Variants in SLC35F4 observed in about 807,000 individuals in gnomAD.
The protein encoded by SLC35F4 is chromosome 14 open reading frame 36.
In SLC35F4, 24 loss-of-function variants were observed where a neutral mutation model predicts 44.2. That is an observed-to-expected ratio of 0.54 (90% confidence interval 0.39 to 0.76). SLC35F4 has a LOEUF of 0.76. SLC35F4 is among the 30% of genes least tolerant of loss of function. The probability of loss-of-function intolerance (pLI) is 0.00; values close to 1 mark genes in which losing one functional copy is unlikely to be tolerated. For synonymous variants in SLC35F4, 238 were observed against 223.6 expected, an observed-to-expected ratio of 1.06 and a Z score of -0.57; for missense variants, 562 against 586.1, an observed-to-expected ratio of 0.96 and a Z score of 0.42.
chr14:57,644,602 G>A (rs2073415589), intron 1 of SLC35F4, among the ~76,000 whole-genome samples: 1 of 152,084 alleles, frequency 6.6e-6, no homozygotes, highest in African/African-American at 2.4e-5. Context: ...TTGCTGTGCA[G>A]AAGCTCTTTA....
intron 1 of SLC35F4, among the ~76,000 whole-genome samples, chr14:57,759,376 G>T (rs1029762346): frequency 2.6e-5 from 4 of 151,948 alleles, no homozygotes; most frequent in African/African-American, 4.8e-5. Flanking sequence ...ACCTAGGAGT[G>T]CAAGACCAGC....
intron 3 of SLC35F4, among the ~76,000 whole-genome samples, chr14:57,581,909 C>CTAAGCCACTTTCTAATATATCTGCCCAA (rs2069303405): frequency 6.6e-6 from 1 of 152,170 alleles, no homozygotes. Flanking sequence ...TTCTAAGACA[C>CTAAGCCACTTTCTAATATATCTGCCCAA]TAAGCCACTT....
Position 57,742,287 on chromosome 14 carries a change from TAA to T in SLC35F4, c.103+123434_103+123435del, listed in dbSNP as rs576037742. The stretch of plus-strand genomic sequence containing the variant: ...AAAAGACACAGACTGGCAAATTGGA[TAA>T]AGAGTCAAGACCCATCAGTGTGCTG... On this transcript the variant is annotated intron_variant, in intron 1 of 7. Coordinates refer to ENST00000556826, the MANE Select transcript of SLC35F4 (RefSeq NM_001306087.2). Among the ~76,000 whole-genome samples the T allele has an allele frequency of 5.9e-4, 90 of 152,258 alleles. 1 individual carries two copies. Among genetic ancestry groups the T allele is most frequent in the African/African-American group, 1.9e-3 (77 of 41,536 alleles).
chr14:57,612,833 C>G (rs1245981900), intron 1 of SLC35F4, among the ~76,000 whole-genome samples: 1 of 151,720 alleles, frequency 6.6e-6, no homozygotes, highest in Non-Finnish European at 1.5e-5. Flanking sequence ...GGACAAGGAC[C>G]AATTTTGAAT....
chr14:57,978,644 T>C (rs1413272760), intron 1 of SLC35F4, among the ~76,000 whole-genome samples: 9 of 152,204 alleles, frequency 5.9e-5, no homozygotes, highest in Non-Finnish European at 1.3e-4. Flanking sequence ...TGTGCCAGAC[T>C]AATAACTAGA....
downstream of SLC35F4, among the ~76,000 whole-genome samples, chr14:57,973,885 G>A (rs1881129305): frequency 6.6e-6 from 1 of 151,894 alleles, no homozygotes; most frequent in Non-Finnish European, 1.5e-5. Context: ...TATACTCCCT[G>A]AAGCCCAAAC....
chr14:57,828,658 C>G (rs1333656623), intron 1 of SLC35F4, among the ~76,000 whole-genome samples: 1 of 152,164 alleles, frequency 6.6e-6, no homozygotes, highest in Non-Finnish European at 1.5e-5. Flanking sequence ...CATTGTGTCA[C>G]AGAATGTCAC....
chr14:57,774,022 C>T (rs887894686), intron 1 of SLC35F4, among the ~76,000 whole-genome samples: 4 of 152,058 alleles, frequency 2.6e-5, no homozygotes, highest in African/African-American at 9.7e-5. Context: ...TTTGATACAC[C>T]ATCCATGTAT....
chr14:57,598,990 A>G (rs2070657920), intron 1 of SLC35F4, among the ~76,000 whole-genome samples: 1 of 152,156 alleles, frequency 6.6e-6, no homozygotes, highest in Non-Finnish European at 1.5e-5. Context: ...AAAGTAGGAT[A>G]CCACTGGCTG....
intron 1 of SLC35F4, among the ~76,000 whole-genome samples, chr14:57,676,768 G>T (rs568361651): frequency 1.3e-5 from 2 of 152,148 alleles, no homozygotes; most frequent in South Asian, 4.1e-4. Flanking sequence ...AACAATGGCT[G>T]TTGGCATGGA....
intron 1 of SLC35F4, among the ~76,000 whole-genome samples, chr14:57,616,802 T>C (rs1762064073): frequency 1.3e-5 from 2 of 152,080 alleles, no homozygotes; most frequent in Non-Finnish European, 2.9e-5. Context: ...ACCTTCATCT[T>C]AAATAAGGAC....
At position 57,738,766 on chromosome 14, in the gene SLC35F4, T is replaced by C. The variant is rs933834169; in HGVS notation, c.103+126957A>G. 1.6e-3 allele frequency among the ~76,000 whole-genome samples: 125 copies of C among 80,560 alleles called. 1 individual carries two copies. Among genetic ancestry groups the C allele is most frequent in the South Asian group, 4.3e-3 (10 of 2,308 alleles). 52.9% of individuals were successfully genotyped at this position (80,560 alleles called of 152,430 possible). A position where few individuals can be genotyped will look rare whatever the true frequency, so the allele number is the denominator to read the frequency against. ...GAATTTTCATATATATATATATATA[T>C]ATATATATATATATATATATAGGCT... On this transcript the variant is annotated intron_variant, in intron 1 of 7. Transcript: ENST00000556826.
intron 1 of SLC35F4, among the ~76,000 whole-genome samples, chr14:57,673,444 G>A (rs1469197669): frequency 1.3e-5 from 2 of 152,026 alleles, no homozygotes; most frequent in Non-Finnish European, 2.9e-5. Flanking sequence ...TGTAAAATGG[G>A]GCTCATAATA....
At position 57,897,813 on chromosome 14, in the gene SLC35F4, A is replaced by C. The variant is rs544872489; in HGVS notation, n.282+84100T>G. On this transcript the variant is annotated intron_variant and non_coding_transcript_variant, in intron 1 of 1. Coordinates refer to the SLC35F4 transcript ENST00000556568. ...CTTGCTTCTAAATGTAGCCCCCACA[A>C]ATGGTATCATCTATAAACAGAGCAC... Among the ~76,000 whole-genome samples the C allele has an allele frequency of 2.2e-4, 34 of 152,274 alleles. No individual in the cohort carries two copies. The South Asian group carries it at 6.8e-3, about 31-fold the overall frequency.
chr14:57,703,526 A>G (rs892312582), intron 1 of SLC35F4, among the ~76,000 whole-genome samples: 1 of 152,182 alleles, frequency 6.6e-6, no homozygotes, highest in African/African-American at 2.4e-5. Flanking sequence ...AACTGCCAAC[A>G]AGTGGGCAGT....
chr14:57,880,084 GGAAGGAAGGAAGGAA>G (rs1566920037), intron 1 of SLC35F4, among the ~76,000 whole-genome samples: 1 of 113,206 alleles, frequency 8.8e-6, no homozygotes, highest in Non-Finnish European at 1.8e-5. Context: ...AAGGAAGGAA[GGAAGGAAGGAAGGAA>G]GGAAGGAAGG....
intron 1 of SLC35F4, among the ~76,000 whole-genome samples, chr14:57,612,372 G>A (rs1255776310): frequency 1.3e-5 from 2 of 152,152 alleles, no homozygotes; most frequent in Non-Finnish European, 2.9e-5. Context: ...TCTCTAGCCT[G>A]GTTGATGACC....
At chr14:57,927,637 C>A (rs1889606855) in intron 1 of SLC35F4, among the ~76,000 whole-genome samples, 2 of 151,748 alleles carry the variant, frequency 1.3e-5, no homozygotes, top group South Asian at 4.2e-4. Flanking sequence ...ATTACAGGCA[C>A]CTGCCACCAC....
At chr14:57,639,183 G>C (rs2073129431) in intron 1 of SLC35F4, among the ~76,000 whole-genome samples, 2 of 152,070 alleles carry the variant, frequency 1.3e-5, no homozygotes, top group African/African-American at 4.8e-5. Flanking sequence ...AGCTAAGTTA[G>C]ATTAAGTCAA....
Sources: allele counts gnomAD v4.1 joint callset (sites outside exome capture counted in the v4.1 genomes callset), GRCh38; gene constraint gnomAD v4.1.1; transcripts MANE v1.5; gene names NCBI Gene and HGNC (gene_info 2026-07-23, HGNC 2026-07-21).